MIB1: variants seen among roughly 807,000 people sequenced by gnomAD.
The protein encoded by MIB1 is E3 ubiquitin-protein ligase MIB1.
A neutral mutation model predicts 124.5 loss-of-function variants in MIB1; 278 were observed. The ratio of observed to expected loss-of-function variants is 2.23; its 90% CI spans 2.02 to 2.47. The LOEUF is 2.47. Among genes scored for constraint, MIB1 ranks in the 30% most tolerant of loss-of-function variants. The pLI, the probability that MIB1 is intolerant of heterozygous loss-of-function variation, is 0.00. For missense variants in MIB1, 957 were observed against 1,254.4 expected, an observed-to-expected ratio of 0.76 and a Z score of 3.58; for synonymous variants, 446 against 429.4, an observed-to-expected ratio of 1.04 and a Z score of -0.48.
At chr18:21,772,141 C>T (rs1447148760) in intron 3 of MIB1, among the ~76,000 whole-genome samples, 1 of 152,100 alleles carries the variant, frequency 6.6e-6, no homozygotes, top group Non-Finnish European at 1.5e-5. Context: ...ACAAATATAT[C>T]ATAAAATACC....
chr18:21,746,955 C>G (rs1337333769), intron 1 of MIB1, among the ~76,000 whole-genome samples: 3 of 152,076 alleles, frequency 2.0e-5, no homozygotes, highest in African/African-American at 7.2e-5. Context: ...TAATCCTCAG[C>G]TTTTCTTTAT....
chr18:21,751,156 C>T (rs1287019524), intron 1 of MIB1, among the ~76,000 whole-genome samples: 1 of 151,908 alleles, frequency 6.6e-6, no homozygotes, highest in Non-Finnish European at 1.5e-5. Flanking sequence ...GAGCTGAGAT[C>T]ATGTTACTGC....
chr18:21,725,570 G>A (rs529819610), intron 1 of MIB1, among the ~76,000 whole-genome samples: 2 of 152,316 alleles, frequency 1.3e-5, no homozygotes, highest in Non-Finnish European at 2.9e-5. Context: ...CATAATAGGA[G>A]ATAAGTTACC....
intron 1 of MIB1, among the ~76,000 whole-genome samples, chr18:21,712,378 C>G (rs2040669482): frequency 6.6e-6 from 1 of 152,096 alleles, no homozygotes; most frequent in African/African-American, 2.4e-5. Context: ...CATTTCCAAC[C>G]AATACGATAG....
intron 8 of MIB1, among the ~76,000 whole-genome samples, chr18:21,798,661 G>A (rs2041614062): frequency 6.6e-6 from 1 of 151,250 alleles, no homozygotes; most frequent in Non-Finnish European, 1.5e-5. Context: ...TTACATATCA[G>A]TTATTTTTTC....
chr18:21,796,017 GA>G (rs971624585), intron 7 of MIB1, among the ~76,000 whole-genome samples: 33 of 152,298 alleles, frequency 2.2e-4, no homozygotes, highest in African/African-American at 7.0e-4. Flanking sequence ...TGAATGAAAA[GA>G]GTGTTTGAAT....
chr18:21,843,890 A>G (rs760611439), intron 14 of MIB1, among the ~76,000 whole-genome samples: 90 of 152,212 alleles, frequency 5.9e-4, no homozygotes, highest in Non-Finnish European at 1.2e-3. Flanking sequence ...CTCTAATTCA[A>G]TATATTTAAA....
At chr18:21,773,486 G>A (rs892999713) in intron 3 of MIB1, 138 bp from the exon 4 acceptor site, 1 of 602,676 alleles carries the variant, frequency 1.7e-6, no homozygotes, top group Non-Finnish European at 2.9e-6. Context: ...GACATATTTG[G>A]CAAATAAGTA....
intron 6 of MIB1, among the ~76,000 whole-genome samples, chr18:21,789,062 A>G (rs974250148): frequency 1.3e-5 from 2 of 152,210 alleles, no homozygotes; most frequent in Non-Finnish European, 2.9e-5. Flanking sequence ...ACAAATTACC[A>G]TAGACTGGGT....
At chr18:21,814,961 T>G (rs1263807499) in intron 10 of MIB1, among the ~76,000 whole-genome samples, 1 of 137,566 alleles carries the variant, frequency 7.3e-6, no homozygotes, top group Non-Finnish European at 1.5e-5. Context: ...AAAATTGGCT[T>G]ACCATCATGG....
At chr18:21,844,599 T>A (rs2042119762) in intron 15 of MIB1, among the ~76,000 whole-genome samples, 3 of 152,106 alleles carry the variant, frequency 2.0e-5, no homozygotes, top group Admixed American at 2.0e-4. Context: ...TAGCTAATTT[T>A]TGTATTTTTA....
chr18:21,737,072 C>T (rs943623494), upstream of MIB1, among the ~76,000 whole-genome samples: 33 of 152,110 alleles, frequency 2.2e-4, no homozygotes, highest in African/African-American at 7.7e-4. Context: ...TCATCAGATT[C>T]ACCAAGCTTG....
rs1425107440 is a variant in MIB1 at position 21,815,796 on chromosome 18, T to C, written c.1660T>C (p.Cys554Arg). The C allele has an allele frequency of 6.2e-7, 1 of 1,614,138 alleles. No homozygotes were observed. Among genetic ancestry groups the C allele is most frequent in the South Asian group, 1.1e-5 (1 of 91,086 alleles). ...TGTGAAGACTTTATTGGACTTTGGC[T>C]GTCATCCCAGTCTCCAGGTAAAACC... ...QVVKTLLDFG[C>R]HPSLQDSEGD... The change falls in exon 11 of 21, where the codon TGT becomes CGT. Residue 554 changes from cysteine to arginine, a missense_variant. Coordinates refer to ENST00000261537, the MANE Select transcript of MIB1 (RefSeq NM_020774.4).
intron 1 of MIB1, among the ~76,000 whole-genome samples, chr18:21,733,522 C>T (rs778563317): frequency 1.4e-4 from 22 of 152,032 alleles, no homozygotes; most frequent in Non-Finnish European, 2.4e-4. Context: ...CAGCCTCCCA[C>T]GTAAGCCTCC....
intron 7 of MIB1, among the ~76,000 whole-genome samples, chr18:21,792,500 T>C (rs540543823): frequency 5.6e-4 from 86 of 152,312 alleles, no homozygotes; most frequent in African/African-American, 1.9e-3. Flanking sequence ...CATTAGCCCT[T>C]CTGTCCTTTC....
rs984931978 is a variant in MIB1, at chr18:21,741,754, T to C, written c.171T>C (p.Ala57=). ...TGGTAGTGTGGGACAACGGCACAGCTGCCAACTACCGCTGCTCCGGGGCTT... is the reference window on the plus strand; with the variant it reads ...TGGTAGTGTGGGACAACGGCACAGCCGCCAACTACCGCTGCTCCGGGGCTT... ...EVVVVWDNGT[A]ANYRCSGAYD... The change falls in exon 1 of 21, where the codon GCT becomes GCC. Residue 57 remains alanine (A), a synonymous_variant. Coordinates refer to ENST00000261537, the MANE Select transcript of MIB1 (RefSeq NM_020774.4). The surrounding 1 kb of genome is among the most constrained non-coding windows in gnomAD (Gnocchi z 5.4). 2.5e-5 allele frequency: 41 copies of C among 1,610,916 alleles called. No homozygotes were observed. The highest frequency in any genetic ancestry group is 5.0e-5 in the Admixed American group (3 of 59,786).
At chr18:21,835,318 C>T (rs1388366565) in intron 12 of MIB1, among the ~76,000 whole-genome samples, 4 of 151,892 alleles carry the variant, frequency 2.6e-5, no homozygotes, top group Non-Finnish European at 5.9e-5. Context: ...GGAAAGGAGA[C>T]TGGGGGCCAT....
intron 20 of MIB1, among the ~76,000 whole-genome samples, chr18:21,860,249 C>T (rs1289028680): frequency 1.3e-5 from 2 of 151,162 alleles, no homozygotes; most frequent in Non-Finnish European, 2.9e-5. Flanking sequence ...TACAGGTGCA[C>T]ACCACCACCC....
intron 6 of MIB1, among the ~76,000 whole-genome samples, chr18:21,787,016 CA>C (rs1198833898): frequency 1.3e-5 from 2 of 148,896 alleles, no homozygotes; most frequent in African/African-American, 5.0e-5. Flanking sequence ...ATTGAAAGAT[CA>C]TTTTTTTTTT....
Sources: gnomAD v4.1 joint callset for allele counts (sites outside exome capture counted in the v4.1 genomes callset) on GRCh38, gnomAD v4.1.1 for gene constraint, Gnocchi (gnomAD v3.1) non-coding constraint, MANE v1.5 for transcripts, NCBI Gene and HGNC (gene_info 2026-07-23, HGNC 2026-07-21) for gene names.